The following NBAS variants were observed in gnomAD, a reference collection of about 807,000 sequenced individuals.
NBAS encodes NAG/BC035112 fusion.
NBAS carries 219 observed loss-of-function variants against 302.5 expected under a neutral mutation model. The ratio of observed to expected loss-of-function variants is 0.72; its 90% CI spans 0.65 to 0.81. The LOEUF (loss-of-function observed/expected upper bound fraction) is 0.81, where lower values mean the gene tolerates loss of function less well. NBAS is among the 30% of genes least tolerant of loss of function. The probability of loss-of-function intolerance (pLI) is 0.00; values close to 1 mark genes in which losing one functional copy is unlikely to be tolerated. For missense variants in NBAS, 2,932 were observed against 2,841.6 expected (o/e 1.03, Z -0.72); for synonymous variants, 1,118 against 1,021.6 (o/e 1.09, Z -1.80).
intron 10 of NBAS, among the ~76,000 whole-genome samples, chr2:15,509,242 A>G (rs1662024131): frequency 6.6e-6 from 1 of 152,160 alleles, no homozygotes; most frequent in South Asian, 2.1e-4. Flanking sequence ...AACAGAAACT[A>G]GATCTGGCCC....
chr2:14,842,768 A>C, the NBAS span, among the ~76,000 whole-genome samples: 3 of 152,098 alleles, frequency 2.0e-5, no homozygotes, highest in Admixed American at 6.5e-5. Context: ...TCAGACTCAA[A>C]AACATTGAAG....
Position 15,287,045 on chromosome 2 carries a change from CA to C in NBAS, c.5138+27del, listed in dbSNP as rs754103091. 2.6e-6 allele frequency: 4 copies of C among 1,522,558 alleles called. No individual in the cohort carries two copies. The East Asian group carries it at 9.0e-5, about 34-fold the overall frequency. 94.3% of individuals were successfully genotyped at this position (1,522,558 alleles called of 1,614,324 possible). On this transcript the variant is annotated intron_variant, in intron 42 of 51. Coordinates refer to ENST00000281513, the MANE Select transcript of NBAS (RefSeq NM_015909.4). ...TAGACTCTAAAGAAAGACATGGAAA[CA>C]AACGTACATATGAACTGTGTGCTTA...
chr2:14,881,708 A>G, the NBAS span, among the ~76,000 whole-genome samples: 1 of 152,172 alleles, frequency 6.6e-6, no homozygotes, highest in Admixed American at 6.5e-5. Context: ...TTTTGTTTTC[A>G]TGGAACACAG....
intron 44 of NBAS, among the ~76,000 whole-genome samples, chr2:15,239,389 G>A (rs921317622): frequency 1.1e-4 from 7 of 64,944 alleles, no homozygotes; most frequent in African/African-American, 1.3e-4. Flanking sequence ...GTATGTGTGC[G>A]TGTGTGTGTG....
rs1349807079 is a variant in NBAS, at chr2:15,416,083, A to AAG, written c.2764-365_2764-364insCT. On this transcript the variant is annotated intron_variant, in intron 24 of 51. Coordinates refer to ENST00000281513, the MANE Select transcript of NBAS (RefSeq NM_015909.4). ...AGAGCAAAGAGAAGGCATACGCAAA[A>AAG]ACAGAGAGAGAGAGAGAGAGAGAGA... is the stretch of plus-strand genomic sequence containing the variant. 5.3e-3 allele frequency among the ~76,000 whole-genome samples: 799 copies of AAG among 150,202 alleles called. 5 individuals are homozygous for AAG. The highest frequency in any genetic ancestry group is 0.019 in the African/African-American group (747 of 40,288).
chr2:15,461,148 A>G (rs530886223), intron 21 of NBAS, 53 bp downstream of exon 21: 117 of 1,499,294 alleles, frequency 7.8e-5, no homozygotes, highest in Non-Finnish European at 1.0e-4. Flanking sequence ...AGCATGACAA[A>G]AAAATTATCA....
chr2:15,214,297 T>C (rs979113367), intron 48 of NBAS, among the ~76,000 whole-genome samples: 20 of 151,484 alleles, frequency 1.3e-4, no homozygotes, highest in Admixed American at 2.6e-4. Flanking sequence ...ATATAATAAA[T>C]AGACAAACAT....
the NBAS span, among the ~76,000 whole-genome samples, chr2:15,147,838 A>G: frequency 1.3e-5 from 2 of 151,302 alleles, no homozygotes; most frequent in Non-Finnish European, 2.9e-5. Flanking sequence ...GGAGTAAACA[A>G]TTCATTTCCT....
the NBAS span, among the ~76,000 whole-genome samples, chr2:14,823,084 G>T: frequency 3.3e-5 from 5 of 152,280 alleles, no homozygotes; most frequent in East Asian, 7.7e-4. Flanking sequence ...ATTTTAGATA[G>T]AATTTTTTTA....
the NBAS span, among the ~76,000 whole-genome samples, chr2:14,858,623 C>T: frequency 7.1e-6 from 1 of 139,958 alleles, no homozygotes; most frequent in Admixed American, 6.7e-5. Context: ...AATAATTGAA[C>T]TCATGGAGAT....
chr2:15,514,612 AAAT>A (rs138717250), intron 9 of NBAS, among the ~76,000 whole-genome samples: 2,556 of 151,834 alleles, frequency 0.017, 65 homozygotes, highest in African/African-American at 0.057. Flanking sequence ...TTGATAACTG[AAAT>A]AATGTCACTT....
At chr2:14,950,902 T>A in the NBAS span, among the ~76,000 whole-genome samples, 1 of 152,204 alleles carries the variant, frequency 6.6e-6, no homozygotes. Flanking sequence ...TTTTAGAAGC[T>A]TTGTCCCTGT....
At chr2:15,185,373 C>A (rs1665027339) in intron 50 of NBAS, among the ~76,000 whole-genome samples, 1 of 152,212 alleles carries the variant, frequency 6.6e-6, no homozygotes, top group Non-Finnish European at 1.5e-5. Context: ...CTAGATTCGA[C>A]AGAACTGACA....
intron 14 of NBAS, 150 bp from the exon 15 acceptor site, chr2:15,474,474 C>A (rs1680101648): frequency 1.2e-6 from 1 of 801,214 alleles, no homozygotes; most frequent in Non-Finnish European, 1.9e-6. Context: ...CTCAAAGGAA[C>A]CTTACAGCAA....
the NBAS span, among the ~76,000 whole-genome samples, chr2:14,862,837 T>C: frequency 6.6e-6 from 1 of 152,194 alleles, no homozygotes; most frequent in Admixed American, 6.5e-5. Context: ...GCCTTGGTGG[T>C]CGGGCAGCCT....
chr2:14,934,398 G>T, the NBAS span, among the ~76,000 whole-genome samples: 1 of 109,382 alleles, frequency 9.1e-6, no homozygotes, highest in African/African-American at 5.1e-5. Context: ...TCCTCCTCTC[G>T]TACTACATTA....
chr2:14,880,860 AG>A, the NBAS span, among the ~76,000 whole-genome samples: 1 of 152,002 alleles, frequency 6.6e-6, no homozygotes, highest in Admixed American at 6.6e-5. Context: ...TCAACTTTGA[AG>A]GGTATCCTAC....
the NBAS span, among the ~76,000 whole-genome samples, chr2:14,900,344 G>T: frequency 1.1e-4 from 17 of 151,994 alleles, no homozygotes; most frequent in African/African-American, 3.9e-4. Context: ...CCCACTAAAT[G>T]TGCCTGTTTC....
At chr2:15,308,735 A>G (rs1024477659) in intron 39 of NBAS, among the ~76,000 whole-genome samples, 2 of 152,142 alleles carry the variant, frequency 1.3e-5, no homozygotes, top group Admixed American at 1.3e-4. Flanking sequence ...CCTGTCTTGC[A>G]CCAGTTTTCA....
Sources: allele counts gnomAD v4.1 joint callset (sites outside exome capture counted in the v4.1 genomes callset), GRCh38; gene constraint gnomAD v4.1.1; transcripts MANE v1.5; gene names NCBI Gene and HGNC (gene_info 2026-07-23, HGNC 2026-07-21).